ZMAT4: variants seen among roughly 807,000 people sequenced by gnomAD.
ZMAT4 encodes zinc finger matrin-type protein 4.
Under a neutral mutation model 28.7 loss-of-function variants are expected in ZMAT4, and 17 were observed. That is an observed-to-expected ratio of 0.59 (90% CI 0.41 to 0.89). ZMAT4 has a LOEUF of 0.89. Ranked by LOEUF, ZMAT4 falls within the 40% of genes least tolerant of loss-of-function variation. ZMAT4 has a pLI of 0.00. For synonymous variants in ZMAT4, 117 were observed against 109.2 expected, an observed-to-expected ratio of 1.07 and a Z score of -0.44; for missense variants, 240 against 283.8, an observed-to-expected ratio of 0.85 and a Z score of 1.11.
At chr8:40,894,142 G>A (rs1818790024) in intron 1 of ZMAT4, among the ~76,000 whole-genome samples, 2 of 152,238 alleles carry the variant, frequency 1.3e-5, no homozygotes, top group Non-Finnish European at 2.9e-5. Flanking sequence ...CAGGCCTCAG[G>A]ACAGTGGCAC....
chr8:40,627,477 A>T (rs1458430081), intron 5 of ZMAT4, among the ~76,000 whole-genome samples: 1 of 152,230 alleles, frequency 6.6e-6, no homozygotes, highest in African/African-American at 2.4e-5. Context: ...GAAAATATTT[A>T]CTGTTTTACT....
rs72008675 is a variant in ZMAT4 at position 40,756,426 on chromosome 8, T to TTATATATATA, written c.192+11205_192+11214dup. On this transcript the variant is annotated intron_variant, in intron 3 of 6. Transcript: ENST00000297737. ...AATTTCATGTCTAGGAAATGTTCTT[T>TTATATATATA]TATATATATATATATATATATATAT... Among the ~76,000 whole-genome samples the TTATATATATA allele has an allele frequency of 8.8e-3, 642 of 73,140 alleles. 26 individuals are homozygous for TTATATATATA. Among genetic ancestry groups the TTATATATATA allele is most frequent in the African/African-American group, 0.018 (303 of 16,446 alleles). 48.0% of individuals were successfully genotyped at this position (73,140 alleles called of 152,430 possible). A position where few individuals can be genotyped will look rare whatever the true frequency, so the allele number is the denominator to read the frequency against.
At chr8:40,610,356 A>G (rs886306736) in intron 5 of ZMAT4, among the ~76,000 whole-genome samples, 4 of 152,216 alleles carry the variant, frequency 2.6e-5, no homozygotes, top group Non-Finnish European at 4.4e-5. Context: ...TTGCAAGCAT[A>G]TCATGCCTTA....
intron 2 of ZMAT4, among the ~76,000 whole-genome samples, chr8:40,810,792 C>T (rs1815284206): frequency 1.3e-5 from 2 of 151,744 alleles, no homozygotes; most frequent in East Asian, 3.9e-4. Flanking sequence ...AAGATAGTTA[C>T]AATGTATAAA....
intron 1 of ZMAT4, among the ~76,000 whole-genome samples, chr8:40,834,524 T>C (rs914651996): frequency 3.3e-5 from 5 of 152,128 alleles, no homozygotes; most frequent in African/African-American, 2.4e-5. Flanking sequence ...TCTTTATTCA[T>C]GAAACGAATT....
At position 40,813,947 on chromosome 8, in the gene ZMAT4, G is replaced by T. The variant is rs536211922; in HGVS notation, c.102+11628C>A. 2.0e-5 allele frequency among the ~76,000 whole-genome samples: 3 copies of T among 152,242 alleles called. No homozygotes were observed. In the East Asian group the frequency reaches 5.8e-4, roughly 29 times the overall value. On this transcript the variant is annotated intron_variant, in intron 2 of 6. Coordinates refer to ENST00000297737, the MANE Select transcript of ZMAT4 (RefSeq NM_024645.3). Reference sequence around the variant, plus strand: ...TAAAAACTTTAAAAGGACTCTAAAAGCCTTTCCTGCAATTGGAATAGTGAC... The same window carrying T: ...TAAAAACTTTAAAAGGACTCTAAAATCCTTTCCTGCAATTGGAATAGTGAC...
chr8:40,630,668 T>C (rs1430235825), intron 5 of ZMAT4, among the ~76,000 whole-genome samples: 1 of 152,212 alleles, frequency 6.6e-6, no homozygotes, highest in Non-Finnish European at 1.5e-5. Context: ...TACAACAGCA[T>C]CGCTAAAACC....
At position 40,820,608 on chromosome 8, in the gene ZMAT4, GTGTGTGTA is replaced by G. The variant is rs1161007249; in HGVS notation, c.102+4959_102+4966del. Among the ~76,000 whole-genome samples, 67 of 145,530 alleles carry G rather than the reference GTGTGTGTA, an allele frequency of 4.6e-4. 2 individuals carry two copies. In the South Asian group the frequency reaches 0.014, roughly 31 times the overall value. On this transcript the variant is annotated intron_variant, in intron 2 of 6. Transcript: ENST00000297737. The stretch of plus-strand genomic sequence containing the variant: ...TGTGTATCTGTATGTGGGAGTGCAT[GTGTGTGTA>G]TGTGTGTGTATGTGTGTGGGAGTGT...
At chr8:40,842,464 A>G (rs1416477146) in intron 1 of ZMAT4, among the ~76,000 whole-genome samples, 1 of 152,218 alleles carries the variant, frequency 6.6e-6, no homozygotes, top group Non-Finnish European at 1.5e-5. Context: ...TGAAAGGAGA[A>G]ATAATTTGTG....
intron 5 of ZMAT4, among the ~76,000 whole-genome samples, chr8:40,589,626 T>C (rs1804784771): frequency 6.6e-6 from 1 of 152,138 alleles, no homozygotes; most frequent in Non-Finnish European, 1.5e-5. Flanking sequence ...TGTTAAATCG[T>C]TGACAAGCAG....
intron 1 of ZMAT4, among the ~76,000 whole-genome samples, chr8:40,882,406 T>C (rs903664126): frequency 2.6e-5 from 4 of 152,170 alleles, no homozygotes; most frequent in Non-Finnish European, 5.9e-5. Context: ...GTGTCTTTCT[T>C]CCAAAGAACG....
chr8:40,613,169 TTACTTTCTTTC>T (rs1805864604), intron 5 of ZMAT4, among the ~76,000 whole-genome samples: 2 of 67,632 alleles, frequency 3.0e-5, no homozygotes. Flanking sequence ...TCTTTCTTTC[TTACTTTCTTTC>T]TTTTTTTTTT....
intron 5 of ZMAT4, among the ~76,000 whole-genome samples, chr8:40,598,454 C>T (rs1292838462): frequency 6.6e-6 from 1 of 152,102 alleles, no homozygotes; most frequent in African/African-American, 2.4e-5. Flanking sequence ...TGAGTGAGAA[C>T]ATGTGGTGTT....
chr8:40,892,120 G>A (rs1441028838), intron 1 of ZMAT4, among the ~76,000 whole-genome samples: 1 of 152,158 alleles, frequency 6.6e-6, no homozygotes, highest in Non-Finnish European at 1.5e-5. Flanking sequence ...CACATGGTAT[G>A]TTTCATCCCG....
intron 1 of ZMAT4, among the ~76,000 whole-genome samples, chr8:40,867,836 AATACTATAGAAT>A (rs1446374540): frequency 1.3e-5 from 2 of 152,184 alleles, no homozygotes; most frequent in Non-Finnish European, 2.9e-5. Flanking sequence ...TATCTTATAA[AATACTATAGAAT>A]GCAGTAAACC....
At chr8:40,549,059 C>A (rs1052915232) in intron 6 of ZMAT4, among the ~76,000 whole-genome samples, 3 of 152,030 alleles carry the variant, frequency 2.0e-5, no homozygotes, top group African/African-American at 7.2e-5. Flanking sequence ...CATGAGGCCT[C>A]CACCCTCATG....
chr8:40,662,823 G>A (rs1808258567), intron 5 of ZMAT4, among the ~76,000 whole-genome samples: 1 of 152,244 alleles, frequency 6.6e-6, no homozygotes, highest in South Asian at 2.1e-4. Flanking sequence ...GAATTCTAAT[G>A]TACAGGCTCA....
chr8:40,661,256 T>C (rs985343923), intron 5 of ZMAT4, among the ~76,000 whole-genome samples: 2 of 152,136 alleles, frequency 1.3e-5, no homozygotes, highest in Admixed American at 6.5e-5. Context: ...ATGCACACTA[T>C]ACCCGGCTAA....
At chr8:40,588,422 TCAATAATAAAAATA>T (rs1804740973) in intron 5 of ZMAT4, among the ~76,000 whole-genome samples, 1 of 151,996 alleles carries the variant, frequency 6.6e-6, no homozygotes, top group African/African-American at 2.4e-5. Flanking sequence ...CTCCTACAAC[TCAATAATAAAAATA>T]CAATCTAATT....
Sources: gnomAD v4.1 joint callset for allele counts (sites outside exome capture counted in the v4.1 genomes callset) on GRCh38, gnomAD v4.1.1 for gene constraint, MANE v1.5 for transcripts, NCBI Gene and HGNC (gene_info 2026-07-23, HGNC 2026-07-21) for gene names.